PTPRN2: variants seen among roughly 807,000 people sequenced by gnomAD.
PTPRN2 encodes the protein protein tyrosine phosphatase receptor type N2, also known as receptor-type tyrosine-protein phosphatase N2.
PTPRN2 carries 74 observed loss-of-function variants against 118.8 expected under a neutral mutation model. The observed-to-expected ratio is 0.62, with a 90% CI of 0.52 to 0.76. PTPRN2 has a LOEUF of 0.76. Among genes scored for constraint, PTPRN2 ranks in the 30% least tolerant of loss-of-function variants. The probability of loss-of-function intolerance (pLI) is 0.00; values close to 1 mark genes in which losing one functional copy is unlikely to be tolerated. For synonymous variants in PTPRN2, 641 were observed against 608.0 expected (o/e 1.05, Z -0.80); for missense variants, 1,481 against 1,394.4 (o/e 1.06, Z -0.99).
chr7:157,567,523 A>G (rs1585041940), intron 21 of PTPRN2, among the ~76,000 whole-genome samples: 1 of 149,928 alleles, frequency 6.7e-6, no homozygotes, highest in Admixed American at 6.6e-5. Flanking sequence ...TTTTATCTTC[A>G]CATATTTATG....
intron 11 of PTPRN2, among the ~76,000 whole-genome samples, chr7:158,062,695 A>G (rs999006267): frequency 6.6e-6 from 1 of 152,288 alleles, no homozygotes; most frequent in Non-Finnish European, 1.5e-5. Context: ...GGCCCCAGGC[A>G]GTGAGGGGCT....
At chr7:157,663,526 G>A (rs965689580) in intron 13 of PTPRN2, among the ~76,000 whole-genome samples, 3 of 152,240 alleles carry the variant, frequency 2.0e-5, no homozygotes, top group Admixed American at 6.5e-5. Flanking sequence ...GGGCTGGGAC[G>A]TTTGGCCGCT....
At chr7:158,357,805 C>A (rs1808508882) in intron 2 of PTPRN2, among the ~76,000 whole-genome samples, 1 of 152,232 alleles carries the variant, frequency 6.6e-6, no homozygotes, top group Admixed American at 6.5e-5. Flanking sequence ...TTGCGTCCAG[C>A]AGGGGTGTCC....
intron 2 of PTPRN2, among the ~76,000 whole-genome samples, chr7:158,454,620 T>C (rs1407870984): frequency 1.3e-5 from 2 of 151,596 alleles, no homozygotes; most frequent in Non-Finnish European, 2.9e-5. Context: ...ACGCACACAA[T>C]CACCAATGTC....
chr7:158,176,536 T>A lies in PTPRN2; in HGVS notation c.550-9245A>T, dbSNP rs116369472. Reference sequence around the variant, plus strand: ...CAGAGGAACCGTAAGCAGGTCGGCTTCCATGGAGCACAGGTCTGGGTGTGG... The same window carrying A: ...CAGAGGAACCGTAAGCAGGTCGGCTACCATGGAGCACAGGTCTGGGTGTGG... On this transcript the variant is annotated intron_variant, in intron 5 of 22. Coordinates refer to ENST00000389418, the MANE Select transcript of PTPRN2 (RefSeq NM_002847.5). Among the ~76,000 whole-genome samples, 1,100 of 152,254 alleles carry A rather than the reference T, an allele frequency of 7.2e-3. 19 individuals carry two copies. The highest frequency in any genetic ancestry group is 0.025 in the African/African-American group (1,038 of 41,558).
rs536101228 is a variant in PTPRN2, at chr7:158,443,045, T to TAAA, written c.163+46687_163+46689dup. 1.3e-4 allele frequency among the ~76,000 whole-genome samples: 18 copies of TAAA among 136,910 alleles called. 1 individual carries two copies. Among genetic ancestry groups the TAAA allele is most frequent in the East Asian group, 8.6e-4 (4 of 4,662 alleles). 89.8% of individuals were successfully genotyped at this position (136,910 alleles called of 152,430 possible). On this transcript the variant is annotated intron_variant, in intron 2 of 22. Coordinates refer to ENST00000389418, the MANE Select transcript of PTPRN2 (RefSeq NM_002847.5). The stretch of plus-strand genomic sequence containing the variant: ...CCTTTTCAGGAACACAAATAAGTAT[T>TAAA]AAAAAAAAAAAAAAAAGCAAAAAAA...
intron 11 of PTPRN2, among the ~76,000 whole-genome samples, chr7:157,998,511 C>A (rs1025031897): frequency 2.0e-5 from 3 of 152,142 alleles, no homozygotes; most frequent in African/African-American, 7.2e-5. Flanking sequence ...AAATGTAGAC[C>A]GAATAAGCTA....
chr7:157,939,334 G>T (rs1380898963), intron 11 of PTPRN2, among the ~76,000 whole-genome samples: 1 of 152,228 alleles, frequency 6.6e-6, no homozygotes, highest in Non-Finnish European at 1.5e-5. Flanking sequence ...GCGGCCACAG[G>T]GGCTGGTGGC....
chr7:157,828,251 C>T (rs115142683), intron 12 of PTPRN2, among the ~76,000 whole-genome samples: 4 of 152,320 alleles, frequency 2.6e-5, no homozygotes, highest in African/African-American at 4.8e-5. Flanking sequence ...CCAACCTGTC[C>T]GGATGCCCCT....
At chr7:157,568,219 C>A (rs548048678) in intron 21 of PTPRN2, among the ~76,000 whole-genome samples, 1 of 152,192 alleles carries the variant, frequency 6.6e-6, no homozygotes. Flanking sequence ...TCGCACCCTG[C>A]GCCTCATGTC....
intron 2 of PTPRN2, among the ~76,000 whole-genome samples, chr7:158,342,772 A>C (rs1586397493): frequency 6.6e-6 from 1 of 152,282 alleles, no homozygotes; most frequent in East Asian, 1.9e-4. Flanking sequence ...GCGGCAGGAA[A>C]GTCTGACTGA....
intron 11 of PTPRN2, among the ~76,000 whole-genome samples, chr7:158,077,463 G>A (rs1004756978): frequency 6.6e-6 from 1 of 151,478 alleles, no homozygotes; most frequent in East Asian, 1.9e-4. Context: ...CTGTCAGGTG[G>A]AGGATGCTGA....
rs1827033272 is a variant in PTPRN2 at position 158,205,222 on chromosome 7, G to C, written c.329C>G (p.Ala110Gly). The C allele has an allele frequency of 1.9e-6, 3 of 1,614,040 alleles. No individual in the cohort carries two copies. The African/African-American group carries it at 4.0e-5, about 22-fold the overall frequency. The change falls in exon 4 of 23, where the codon GCA (alanine) becomes GGA (glycine). Residue 110 changes from alanine to glycine, a missense_variant. Around this residue, in one of 3 missense-constraint regions of PTPRN2, gnomAD observed 1,115 missense variants for 994.2 expected, o/e 1.12. Transcript: ENST00000389418. ...CCTCAGGTAGGTTTTCGGGAGGTCT[G>C]CAAGTTCCTGGTCCATCACATACTG... ...YTQYVMDQEL[A>G]DLPKTYLRRP...
chr7:158,318,333 C>T (rs1802520714), intron 2 of PTPRN2, among the ~76,000 whole-genome samples: 1 of 152,226 alleles, frequency 6.6e-6, no homozygotes, highest in Admixed American at 6.5e-5. Flanking sequence ...AGTGTTCCTA[C>T]TCTGCTTTTC....
At chr7:157,718,455 C>T (rs904693953) in intron 12 of PTPRN2, among the ~76,000 whole-genome samples, 11 of 152,188 alleles carry the variant, frequency 7.2e-5, no homozygotes, top group Non-Finnish European at 1.3e-4. Flanking sequence ...GTTTGGAGAG[C>T]GCCTTCCTCC....
intron 17 of PTPRN2, among the ~76,000 whole-genome samples, chr7:157,580,400 G>A (rs1438902237): frequency 2.0e-5 from 3 of 151,916 alleles, no homozygotes; most frequent in South Asian, 2.1e-4. Context: ...AAGAGAACAC[G>A]GCCCCCATGG....
chr7:158,296,662 C>T (rs1800522897), intron 3 of PTPRN2, among the ~76,000 whole-genome samples: 1 of 152,204 alleles, frequency 6.6e-6, no homozygotes, highest in Admixed American at 6.5e-5. Flanking sequence ...ACAGCCTGCC[C>T]GTCTGTATGC....
intron 4 of PTPRN2, among the ~76,000 whole-genome samples, chr7:158,203,019 G>C (rs958052764): frequency 6.6e-6 from 1 of 151,966 alleles, no homozygotes; most frequent in Admixed American, 6.6e-5. Context: ...GGATCATGAG[G>C]TCAGGAGTTC....
intron 1 of PTPRN2, among the ~76,000 whole-genome samples, chr7:158,497,640 G>C (rs931205247): frequency 6.6e-6 from 1 of 152,226 alleles, no homozygotes; most frequent in Non-Finnish European, 1.5e-5. Flanking sequence ...AGGACTGCAC[G>C]GTGGCCTGGA....
Sources: allele counts gnomAD v4.1 joint callset (sites outside exome capture counted in the v4.1 genomes callset), GRCh38; gene constraint gnomAD v4.1.1; regional missense constraint gnomAD v4.1.1; transcripts MANE v1.5; gene names NCBI Gene and HGNC (gene_info 2026-07-23, HGNC 2026-07-21).